Variants in CYB5RL observed in about 807,000 individuals in gnomAD.
CYB5RL encodes the protein cytochrome b5 reductase like.
A neutral mutation model predicts 37.5 loss-of-function variants in CYB5RL; 38 were observed. The ratio of observed to expected loss-of-function variants is 1.01; its 90% CI spans 0.78 to 1.33. CYB5RL has a LOEUF of 1.33. Among genes scored for constraint, CYB5RL ranks in the 40% most tolerant of loss-of-function variants. The pLI is 0.00. For missense variants in CYB5RL, 388 were observed against 394.4 expected (o/e 0.98, Z 0.14); for synonymous variants, 141 against 151.9 (o/e 0.93, Z 0.53).
chr1:54,179,798 C>T (rs1660112322), intron 6 of CYB5RL, among the ~76,000 whole-genome samples: 1 of 152,214 alleles, frequency 6.6e-6, no homozygotes, highest in Non-Finnish European at 1.5e-5. Context: ...GCCATTCCAG[C>T]CCTGCTCTCT....
intron 1 of CYB5RL, among the ~76,000 whole-genome samples, chr1:54,198,876 C>CA (rs1355380771): frequency 2.0e-5 from 3 of 151,988 alleles, no homozygotes; most frequent in Non-Finnish European, 4.4e-5. Context: ...CTCAAGTGGC[C>CA]CCTCCCACCT....
rs568328550 is a variant in CYB5RL at position 54,188,243 on chromosome 1, C to T, written c.348-504G>A. Among the ~76,000 whole-genome samples, 4 of 152,300 alleles carry T rather than the reference C, an allele frequency of 2.6e-5. No individual in the cohort carries two copies. In the South Asian group the frequency reaches 6.2e-4, roughly 24 times the overall value. On this transcript the variant is annotated intron_variant, in intron 4 of 7. Coordinates refer to ENST00000534324, the MANE Select transcript of CYB5RL (RefSeq NM_001031672.4). Reference sequence around the variant, plus strand: ...GATCCCAGTAGATCATCTCATGCCCCGTGGCCCCTTTTGTAAAATGGGGAC... The same window carrying T: ...GATCCCAGTAGATCATCTCATGCCCTGTGGCCCCTTTTGTAAAATGGGGAC...
intron 3 of CYB5RL, among the ~76,000 whole-genome samples, chr1:54,191,143 C>T (rs1643950322): frequency 6.6e-6 from 1 of 152,176 alleles, no homozygotes; most frequent in Non-Finnish European, 1.5e-5. Context: ...AAAATGCGGG[C>T]TCCTTCCTTA....
rs775730518 is a variant in CYB5RL, at chr1:54,174,638, T to C, written c.929A>G (p.Asp310Gly). The C allele has an allele frequency of 3.2e-5, 52 of 1,610,278 alleles. 1 individual carries two copies. The South Asian group carries it at 4.7e-4, about 14-fold the overall frequency. Residue 310 changes from aspartate (D) to glycine (G), a missense_variant, in exon 8 of 8, where the codon GAC becomes GGC. Asp to Gly is a moderately conservative substitution (Grantham distance 94). Transcript: ENST00000534324. ...RCLLCAGLTE[D>G]SYFLF ...CCAGGGCTAGAAGAGGAAATAGGAG[T>C]CCTCAGTGAGGCCTGCGCACAGTAA... is the stretch of plus-strand genomic sequence containing the variant.
chr1:54,197,650 T>C (rs886850584), intron 1 of CYB5RL, among the ~76,000 whole-genome samples: 8 of 152,098 alleles, frequency 5.3e-5, no homozygotes, highest in South Asian at 2.1e-4. Flanking sequence ...CCGACTTCAG[T>C]GAGGCTGTTT....
At position 54,179,139 on chromosome 1, in the gene CYB5RL, C is replaced by T. The variant is rs549014732; in HGVS notation, c.744+10G>A. ...TCAATCAAAAAAGAAAGTCACCACC[C>T]TGGGCTCACCTGGCTGAGTACAAAG... On this transcript the variant is annotated intron_variant, in intron 7 of 7. Transcript: ENST00000534324. The T allele has an allele frequency of 5.0e-6, 8 of 1,610,116 alleles. No homozygotes were observed. The African/African-American group carries it at 1.1e-4, about 21-fold the overall frequency.
chr1:54,182,103 C>T (rs1342972741), intron 6 of CYB5RL, among the ~76,000 whole-genome samples: 3 of 152,316 alleles, frequency 2.0e-5, no homozygotes, highest in South Asian at 2.1e-4. Context: ...GAAACACAAA[C>T]GATTTCCATT....
chr1:54,199,793 C>T (rs557336419), intron 1 of CYB5RL, among the ~76,000 whole-genome samples, 183 bp downstream of exon 1: 103 of 152,300 alleles, frequency 6.8e-4, no homozygotes, highest in African/African-American at 2.4e-3. Context: ...CAGAGGCGCT[C>T]GCAGCAGCGC....
At position 54,195,470 on chromosome 1, in the gene CYB5RL, C is replaced by T. The variant is rs747744114; in HGVS notation, c.147G>A (p.Glu49=). The T allele has an allele frequency of 8.1e-6, 13 of 1,612,822 alleles. No homozygotes were observed. In the South Asian group the frequency reaches 1.3e-4, roughly 16 times the overall value. ...DLYHRDLARW[E]AAQASKDRSL... is the part of the protein sequence containing the mutation. Reference sequence around the variant, plus strand: ...TCCTGTCCTTGCTGGCTTGGGCTGCCTCCCACCTTGCCAGATCTCGGTGAT... The same window carrying T: ...TCCTGTCCTTGCTGGCTTGGGCTGCTTCCCACCTTGCCAGATCTCGGTGAT... The change falls in exon 3 of 8, where the codon GAG becomes GAA. Residue 49 remains glutamate, a synonymous_variant. Transcript: ENST00000534324.
At chr1:54,176,904 C>T (rs1660032369) in intron 7 of CYB5RL, among the ~76,000 whole-genome samples, 2 of 152,254 alleles carry the variant, frequency 1.3e-5, no homozygotes, top group South Asian at 4.1e-4. Context: ...TGGACTTCTA[C>T]CTCAACAGGG....
chr1:54,192,895 C>T (rs1214934731), intron 3 of CYB5RL, among the ~76,000 whole-genome samples: 2 of 152,100 alleles, frequency 1.3e-5, no homozygotes, highest in Non-Finnish European at 2.9e-5. Context: ...GCTGGGACTA[C>T]AGGTGCGTGC....
At position 54,170,728 on chromosome 1, in the gene CYB5RL, C is replaced by T. The variant is rs980534793; in HGVS notation, c.*3891G>A. Reference sequence around the variant, plus strand: ...GCCCGGCCCAGTAACAATCTTTATACACATCTCTGGTTGCACTCATGTGTC... The same window carrying T: ...GCCCGGCCCAGTAACAATCTTTATATACATCTCTGGTTGCACTCATGTGTC... On this transcript the variant is annotated 3_prime_UTR_variant, in exon 8 of 8. Coordinates refer to ENST00000534324, the MANE Select transcript of CYB5RL (RefSeq NM_001031672.4). 5 of 228,730 alleles carry T rather than the reference C, an allele frequency of 2.2e-5. No individual in the cohort carries two copies. The highest frequency in any genetic ancestry group is 4.4e-5 in the Non-Finnish European group (5 of 113,202). The allele number at this position is 228,730 out of a possible 1,614,324, so 14.2% of individuals were successfully genotyped here.
intron 1 of CYB5RL, among the ~76,000 whole-genome samples, chr1:54,196,976 G>C (rs566586689): frequency 1.3e-5 from 2 of 152,308 alleles, no homozygotes; most frequent in South Asian, 4.1e-4. Context: ...GAGGGAGTGT[G>C]GGGGGACAGA....
intron 1 of CYB5RL, among the ~76,000 whole-genome samples, chr1:54,197,333 T>TTTTTTTG (rs1644017587): frequency 6.7e-6 from 1 of 149,858 alleles, no homozygotes; most frequent in African/African-American, 2.5e-5. Context: ...TTTTTTTTTT[T>TTTTTTTG]GAGACAGAGT....
chr1:54,175,462 C>G, intron 7 of CYB5RL: 1 of 303,370 alleles, frequency 3.3e-6, no homozygotes, highest in South Asian at 2.9e-5. Flanking sequence ...TCTCTCTGCC[C>G]TTCTAGCCTT....
At chr1:54,178,734 A>G (rs1208606118) in intron 7 of CYB5RL, among the ~76,000 whole-genome samples, 1 of 152,178 alleles carries the variant, frequency 6.6e-6, no homozygotes. Context: ...TGAGGCAGAC[A>G]TGTGGTCTCC....
chr1:54,171,076 C>T lies in CYB5RL; in HGVS notation c.*3543G>A, dbSNP rs1375381048. 4.4e-6 allele frequency: 2 copies of T among 452,910 alleles called. No individual in the cohort carries two copies. Among genetic ancestry groups the T allele is most frequent in the Admixed American group, 4.7e-5 (2 of 42,512 alleles). 28.1% of individuals were successfully genotyped at this position (452,910 alleles called of 1,614,324 possible). Reference sequence around the variant, plus strand: ...TTATGGGTACAGCGACAGAAAAGCACACAAGCCTCTCTGCTCACTGACCAA... The same window carrying T: ...TTATGGGTACAGCGACAGAAAAGCATACAAGCCTCTCTGCTCACTGACCAA... On this transcript the variant is annotated 3_prime_UTR_variant, in exon 8 of 8. Coordinates refer to ENST00000534324, the MANE Select transcript of CYB5RL (RefSeq NM_001031672.4).
chr1:54,184,155 A>G lies in CYB5RL; in HGVS notation c.540+6T>C. 6.2e-7 allele frequency: 1 copy of G among 1,611,558 alleles called. No individual in the cohort carries two copies. Among genetic ancestry groups the G allele is most frequent in the Non-Finnish European group, 8.5e-7 (1 of 1,178,838 alleles). The stretch of plus-strand genomic sequence containing the variant: ...TCTCCTGAAGATTTAAGGTGCTGGC[A>G]CTGACCTGGTTTGGTTTATAGAAGA... On this transcript the variant is annotated splice_donor_region_variant and intron_variant, in intron 6 of 7. Coordinates refer to ENST00000534324, the MANE Select transcript of CYB5RL (RefSeq NM_001031672.4).
intron 6 of CYB5RL, among the ~76,000 whole-genome samples, chr1:54,180,931 G>A (rs934040900): frequency 9.2e-5 from 14 of 152,078 alleles, no homozygotes; most frequent in Non-Finnish European, 1.6e-4. Flanking sequence ...CAGGAGGATC[G>A]CTTGAGCCCA....
Sources: gnomAD v4.1 joint callset for allele counts (sites outside exome capture counted in the v4.1 genomes callset) on GRCh38, gnomAD v4.1.1 for gene constraint, MANE v1.5 for transcripts, NCBI Gene and HGNC (gene_info 2026-07-23, HGNC 2026-07-21) for gene names.